Variants in EPHA6 observed in about 807,000 individuals in gnomAD.
EPHA6 encodes the protein ephrin type-A receptor 6.
A neutral mutation model predicts 112.0 loss-of-function variants in EPHA6; 50 were observed. The ratio of observed to expected loss-of-function variants is 0.45; its 90% CI spans 0.36 to 0.56. The LOEUF is 0.56. EPHA6 is among the 20% of genes least tolerant of loss of function. The pLI is 0.00. For missense variants in EPHA6, 1,280 were observed against 1,417.4 expected (o/e 0.90, Z 1.56); for synonymous variants, 529 against 490.7 (o/e 1.08, Z -1.03).
intron 3 of EPHA6, among the ~76,000 whole-genome samples, chr3:97,030,263 A>G (rs2108012873): frequency 6.6e-6 from 1 of 152,224 alleles, no homozygotes; most frequent in South Asian, 2.1e-4. Context: ...AGGGACACTC[A>G]TCAAATCATT....
intron 3 of EPHA6, among the ~76,000 whole-genome samples, chr3:97,041,167 C>T (rs1391403324): frequency 6.6e-6 from 1 of 152,136 alleles, no homozygotes; most frequent in Non-Finnish European, 1.5e-5. Flanking sequence ...ATTATTCCAA[C>T]TCTGTGGGGT....
intron 12 of EPHA6, among the ~76,000 whole-genome samples, chr3:97,601,065 A>C (rs2093639540): frequency 6.6e-6 from 1 of 152,240 alleles, no homozygotes; most frequent in Middle Eastern, 3.4e-3. Flanking sequence ...TGAATGTTAA[A>C]AATAAATATG....
chr3:96,955,296 A>G (rs1559620921), intron 2 of EPHA6, among the ~76,000 whole-genome samples: 1 of 152,250 alleles, frequency 6.6e-6, no homozygotes, highest in East Asian at 1.9e-4. Flanking sequence ...TTTTTTGTCT[A>G]TGGACATATT....
chr3:97,717,488 C>T (rs998686977), intron 14 of EPHA6, among the ~76,000 whole-genome samples: 5 of 152,124 alleles, frequency 3.3e-5, no homozygotes, highest in African/African-American at 2.4e-5. Context: ...TCCTAAGGCC[C>T]CACTCTGTGG....
chr3:97,093,641 T>C (rs1241204259), intron 3 of EPHA6, among the ~76,000 whole-genome samples: 1 of 152,164 alleles, frequency 6.6e-6, no homozygotes, highest in African/African-American at 2.4e-5. Context: ...ACTTGACATA[T>C]GATCTAATCA....
At chr3:97,269,991 T>C (rs1247397312) in intron 5 of EPHA6, among the ~76,000 whole-genome samples, 2 of 152,244 alleles carry the variant, frequency 1.3e-5, no homozygotes, top group Non-Finnish European at 2.9e-5. Context: ...TAATTTTCTT[T>C]TGTTAAAATG....
At chr3:97,430,936 T>C (rs531921864) in intron 6 of EPHA6, among the ~76,000 whole-genome samples, 1 of 152,086 alleles carries the variant, frequency 6.6e-6, no homozygotes, top group Non-Finnish European at 1.5e-5. Context: ...TGTTTTAATA[T>C]CACGTATTTG....
intron 2 of EPHA6, among the ~76,000 whole-genome samples, chr3:96,912,264 G>A (rs867081738): frequency 2.1e-4 from 32 of 152,188 alleles, no homozygotes; most frequent in African/African-American, 6.7e-4. Flanking sequence ...AGTAGCCAAC[G>A]TAGAAAGTCC....
In EPHA6 at chr3:97,292,541, G is replaced by A. The variant is rs149777867; in HGVS notation, c.1606+48254G>A. 7.9e-5 allele frequency among the ~76,000 whole-genome samples: 12 copies of A among 152,362 alleles called. No individual in the cohort carries two copies. The East Asian group carries it at 2.3e-3, about 29-fold the overall frequency. ...AGCAGGTCGTCCTGACGACGGTTCAGCTCTCAGCAGAAGAGACCCGTGATG... is the reference window on the plus strand; with the variant it reads ...AGCAGGTCGTCCTGACGACGGTTCAACTCTCAGCAGAAGAGACCCGTGATG... On this transcript the variant is annotated intron_variant, in intron 5 of 17. Transcript: ENST00000389672.
chr3:97,344,037 C>G (rs62262765), intron 5 of EPHA6, among the ~76,000 whole-genome samples: 16,895 of 152,158 alleles, frequency 0.11, 1,187 homozygotes, highest in South Asian at 0.22. Context: ...CTATGCCTCT[C>G]CCATCATTAC....
Position 97,310,901 on chromosome 3 carries a change from G to T in EPHA6, c.1606+66614G>T, listed in dbSNP as rs181724974. Among the ~76,000 whole-genome samples, 113 of 151,766 alleles carry T rather than the reference G, an allele frequency of 7.4e-4. 1 individual carries two copies. Among genetic ancestry groups the T allele is most frequent in the African/African-American group, 2.7e-3 (111 of 41,496 alleles). On this transcript the variant is annotated intron_variant, in intron 5 of 17. Transcript: ENST00000389672. ...TACAATGAAGATTACAAAAATCCAT[G>T]TTCTTTGTACAGCTAACCCTGATAT...
At chr3:96,835,942 C>G (rs1340811192) in intron 1 of EPHA6, among the ~76,000 whole-genome samples, 2 of 152,000 alleles carry the variant, frequency 1.3e-5, no homozygotes. Flanking sequence ...CCAAGAATGT[C>G]ACAGTATTAA....
Position 97,141,551 on chromosome 3 carries a change from A to G in EPHA6, c.1115-84713A>G, listed in dbSNP as rs762302467. 3.0e-4 allele frequency among the ~76,000 whole-genome samples: 46 copies of G among 152,118 alleles called. 1 individual carries two copies. The highest frequency in any genetic ancestry group is 1.3e-4 in the Non-Finnish European group (9 of 67,968). On this transcript the variant is annotated intron_variant, in intron 3 of 17. Transcript: ENST00000389672. ...CGAGGAGAACACTCAAAACTACACA[A>G]AAACATGGAAACTAAGCAGATTGCT...
chr3:96,952,725 T>C (rs1028100541), intron 2 of EPHA6, among the ~76,000 whole-genome samples: 1 of 152,158 alleles, frequency 6.6e-6, no homozygotes, highest in Non-Finnish European at 1.5e-5. Flanking sequence ...ATTTTGTAGG[T>C]TGTCTATTTA....
intron 5 of EPHA6, among the ~76,000 whole-genome samples, chr3:97,295,793 AGTCAGTGGT>A (rs2080855273): frequency 6.6e-6 from 1 of 152,014 alleles, no homozygotes; most frequent in Non-Finnish European, 1.5e-5. Flanking sequence ...CTATACACAG[AGTCAGTGGT>A]GTCCATGATT....
chr3:97,622,727 T>A (rs1164227560), intron 13 of EPHA6, among the ~76,000 whole-genome samples: 1 of 151,806 alleles, frequency 6.6e-6, no homozygotes, highest in Non-Finnish European at 1.5e-5. Context: ...GGTTTCAATT[T>A]CTCTGTATTC....
At chr3:96,904,755 T>C (rs1038150370) in intron 2 of EPHA6, among the ~76,000 whole-genome samples, 6 of 152,152 alleles carry the variant, frequency 3.9e-5, no homozygotes, top group African/African-American at 1.4e-4. Flanking sequence ...ACAGCAGATA[T>C]GTATAGATAT....
At chr3:97,281,201 A>ATGTGTGTGTGTGTGTG (rs10547257) in intron 5 of EPHA6, among the ~76,000 whole-genome samples, 7 of 140,566 alleles carry the variant, frequency 5.0e-5, no homozygotes, top group African/African-American at 1.7e-4. Flanking sequence ...CAAAGAGTCT[A>ATGTGTGTGTGTGTGTG]TGTGTGTGTG....
At chr3:97,066,059 G>T (rs2046167793) in intron 3 of EPHA6, among the ~76,000 whole-genome samples, 1 of 151,672 alleles carries the variant, frequency 6.6e-6, no homozygotes, top group South Asian at 2.1e-4. Flanking sequence ...GCTCATGATG[G>T]GTGTTCAATA....
Sources: gnomAD v4.1 joint callset for allele counts (sites outside exome capture counted in the v4.1 genomes callset) on GRCh38, gnomAD v4.1.1 for gene constraint, MANE v1.5 for transcripts, NCBI Gene and HGNC (gene_info 2026-07-23, HGNC 2026-07-21) for gene names.